DDR2: variants seen among roughly 807,000 people sequenced by gnomAD.
DDR2 encodes discoidin domain-containing receptor 2.
A neutral mutation model predicts 94.9 loss-of-function variants in DDR2; 27 were observed. The ratio of observed to expected loss-of-function variants is 0.28; its 90% CI spans 0.21 to 0.39. DDR2 has a LOEUF of 0.39. DDR2 is among the 10% of genes least tolerant of loss of function. The pLI is 1.00. For synonymous variants in DDR2, 382 were observed against 377.2 expected, an observed-to-expected ratio of 1.01 and a Z score of -0.15; for missense variants, 783 against 1,076.0, an observed-to-expected ratio of 0.73 and a Z score of 3.81.
At chr1:162,661,642 C>T (rs940352093) in intron 2 of DDR2, among the ~76,000 whole-genome samples, 1 of 152,214 alleles carries the variant, frequency 6.6e-6, no homozygotes, top group Admixed American at 6.5e-5. Flanking sequence ...GGCATCTGCT[C>T]CACAAACACA....
chr1:162,786,750 A>C lies in DDR2; in HGVS notation c.*6504A>C, dbSNP rs1001238191. 1.1e-4 allele frequency: 17 copies of C among 152,224 alleles called. No individual in the cohort carries two copies. Among genetic ancestry groups the C allele is most frequent in the African/African-American group, 4.1e-4 (17 of 41,458 alleles). 9.4% of individuals were successfully genotyped at this position (152,224 alleles called of 1,614,324 possible). On this transcript the variant is annotated 3_prime_UTR_variant, in exon 18 of 18. Coordinates refer to ENST00000367921, the MANE Select transcript of DDR2 (RefSeq NM_006182.4). ...GATTATTTAAATAGACCTCTAACAT[A>C]TGAGTTGACTGTTTATTGGGAAGAA...
At chr1:162,770,038 ATCT>A (rs1423893187) in intron 11 of DDR2, among the ~76,000 whole-genome samples, 3 of 152,146 alleles carry the variant, frequency 2.0e-5, no homozygotes, top group African/African-American at 7.2e-5. Flanking sequence ...CAGGGAGATA[ATCT>A]TTTTTTTTTA....
At position 162,761,339 on chromosome 1, in the gene DDR2, C is replaced by A; in HGVS notation, c.984C>A (p.Asn328Lys). The change falls in exon 9 of 18, where the codon AAC becomes AAA. Residue 328 changes from asparagine (N) to lysine (K), a missense_variant. Physicochemically the swap from Asn to Lys is moderately conservative, Grantham distance 94. This residue lies in a region of DDR2 where 519 missense variants were observed against 647.9 expected (regional missense o/e 0.80). Coordinates refer to ENST00000367921, the MANE Select transcript of DDR2 (RefSeq NM_006182.4). ...TCCCCCTTGTCCTGGATGACGTCAA[C>A]CCCAGTGCTCGGTTTGTCACGGTGC... Reference protein sequence around the residue: ...ISFPLVLDDVNPSARFVTVPL... With the variant: ...ISFPLVLDDVKPSARFVTVPL... 6.2e-7 allele frequency: 1 copy of A among 1,614,214 alleles called. No homozygotes were observed. Among genetic ancestry groups the A allele is most frequent in the Non-Finnish European group, 8.5e-7 (1 of 1,180,036 alleles).
chr1:162,710,182 A>G (rs73024550), intron 2 of DDR2, among the ~76,000 whole-genome samples: 1,635 of 152,228 alleles, frequency 0.011, 30 homozygotes, highest in East Asian at 0.035. Flanking sequence ...TCTCCTACAA[A>G]CTCTAGCATC....
At chr1:162,710,174 T>G (rs1660833884) in intron 2 of DDR2, among the ~76,000 whole-genome samples, 1 of 152,174 alleles carries the variant, frequency 6.6e-6, no homozygotes, top group African/African-American at 2.4e-5. Context: ...CCCTCACCTC[T>G]CCTACAAACT....
At chr1:162,633,951 C>T (rs1038596351) in intron 1 of DDR2, among the ~76,000 whole-genome samples, 10 of 152,142 alleles carry the variant, frequency 6.6e-5, no homozygotes, top group African/African-American at 4.8e-5. Flanking sequence ...CTTAGAGAAG[C>T]GAAATGAGTT....
intron 2 of DDR2, among the ~76,000 whole-genome samples, chr1:162,690,953 G>A (rs1659935938): frequency 6.6e-6 from 1 of 152,136 alleles, no homozygotes; most frequent in South Asian, 2.1e-4. Context: ...CTTTCACCAA[G>A]TTTTGGCTCT....
At chr1:162,723,997 C>T (rs185761775) in intron 3 of DDR2, among the ~76,000 whole-genome samples, 7 of 152,268 alleles carry the variant, frequency 4.6e-5, no homozygotes, top group Admixed American at 2.6e-4. Context: ...TTGTTCTTTC[C>T]AGCATCAATC....
intron 2 of DDR2, among the ~76,000 whole-genome samples, chr1:162,667,040 G>GTCTATCTA (rs10593700): frequency 2.6e-5 from 4 of 151,110 alleles, no homozygotes; most frequent in African/African-American, 9.7e-5. Context: ...ATTCATATAT[G>GTCTATCTA]TCTATCTATC....
chr1:162,768,315 G>A (rs1253196446), intron 11 of DDR2, among the ~76,000 whole-genome samples: 1 of 152,188 alleles, frequency 6.6e-6, no homozygotes, highest in Admixed American at 6.5e-5. Context: ...GCCTGCTGAC[G>A]ACTAAGTGTT....
intron 1 of DDR2, among the ~76,000 whole-genome samples, chr1:162,644,317 A>G (rs1442769306): frequency 8.5e-5 from 13 of 152,220 alleles, no homozygotes; most frequent in Admixed American, 8.5e-4. Flanking sequence ...CCATAGGAAC[A>G]TAAGCCATAA....
intron 1 of DDR2, among the ~76,000 whole-genome samples, chr1:162,641,477 T>C (rs370119041): frequency 6.6e-6 from 1 of 152,208 alleles, no homozygotes; most frequent in East Asian, 1.9e-4. Context: ...GTTCTTTTGG[T>C]CAGTATCACT....
chr1:162,713,471 A>G (rs1410049605), intron 2 of DDR2, among the ~76,000 whole-genome samples: 1 of 152,230 alleles, frequency 6.6e-6, no homozygotes, highest in Admixed American at 6.5e-5. Flanking sequence ...TCTGACAAAT[A>G]CAGCAGTCCA....
chr1:162,668,809 T>C (rs1658701021), intron 2 of DDR2, among the ~76,000 whole-genome samples: 1 of 152,200 alleles, frequency 6.6e-6, no homozygotes, highest in Admixed American at 6.5e-5. Flanking sequence ...ACTCTTTGGT[T>C]CCTTATTTGG....
chr1:162,732,618 T>A (rs1051384817), intron 3 of DDR2, among the ~76,000 whole-genome samples: 3 of 152,200 alleles, frequency 2.0e-5, no homozygotes, highest in East Asian at 3.8e-4. Flanking sequence ...ATTGCAGATG[T>A]CCCTTTAGAT....
At chr1:162,726,267 T>C (rs1421428974) in intron 3 of DDR2, among the ~76,000 whole-genome samples, 2 of 152,236 alleles carry the variant, frequency 1.3e-5, no homozygotes, top group African/African-American at 4.8e-5. Flanking sequence ...TCCTTTATAT[T>C]TTAGTTTAAT....
At chr1:162,683,144 T>G (rs1254622931) in intron 2 of DDR2, among the ~76,000 whole-genome samples, 1 of 152,190 alleles carries the variant, frequency 6.6e-6, no homozygotes, top group Non-Finnish European at 1.5e-5. Flanking sequence ...AATTCAATAT[T>G]CATTCATGAC....
chr1:162,714,609 T>G (rs895844831), intron 2 of DDR2, among the ~76,000 whole-genome samples: 5 of 152,220 alleles, frequency 3.3e-5, no homozygotes, highest in Non-Finnish European at 7.3e-5. Context: ...AATTGCATAC[T>G]CAGAGAGGCC....
intron 3 of DDR2, chr1:162,741,484 G>A (rs1016407058): frequency 5.1e-6 from 3 of 591,648 alleles, no homozygotes; most frequent in South Asian, 7.5e-5. Context: ...GAGTAATAGT[G>A]TGTACTCTGC....
Sources: gnomAD v4.1 joint callset for allele counts (sites outside exome capture counted in the v4.1 genomes callset) on GRCh38, gnomAD v4.1.1 for gene constraint, gnomAD v4.1.1 regional missense constraint, MANE v1.5 for transcripts, NCBI Gene and HGNC (gene_info 2026-07-23, HGNC 2026-07-21) for gene names.